DNM3: variants seen among roughly 807,000 people sequenced by gnomAD.
The protein encoded by DNM3 is dynamin 3.
A neutral mutation model predicts 101.6 loss-of-function variants in DNM3; 47 were observed. That is an observed-to-expected ratio of 0.46 (90% CI 0.37 to 0.59). DNM3 has a LOEUF of 0.59. DNM3 is among the 20% of genes least tolerant of loss of function. The pLI is 0.00. For missense variants in DNM3, 849 were observed against 1,085.7 expected, an observed-to-expected ratio of 0.78 and a Z score of 3.06; for synonymous variants, 385 against 387.9, an observed-to-expected ratio of 0.99 and a Z score of 0.09.
chr1:172,324,753 G>C (rs1186923008), intron 17 of DNM3, among the ~76,000 whole-genome samples: 1 of 152,136 alleles, frequency 6.6e-6, no homozygotes, highest in Non-Finnish European at 1.5e-5. Context: ...TAGTACGTAT[G>C]TCGAATCCTG....
At chr1:172,277,314 T>C (rs2063328106) in intron 15 of DNM3, among the ~76,000 whole-genome samples, 1 of 152,072 alleles carries the variant, frequency 6.6e-6, no homozygotes, top group Non-Finnish European at 1.5e-5. Flanking sequence ...CTCACTTGGG[T>C]AGTGAAAAGA....
rs140646806 is a variant in DNM3, at chr1:172,135,544, T to C, written c.1659+4256T>C. 4.2e-4 allele frequency among the ~76,000 whole-genome samples: 64 copies of C among 152,272 alleles called. No homozygotes were observed. In the East Asian group the frequency reaches 0.012, roughly 28 times the overall value. ...TTGTTTGTTTTTTATCCTCTGACTA[T>C]ATATATGTGACTTCCTGGATTGAAA... On this transcript the variant is annotated intron_variant, in intron 14 of 20. Coordinates refer to ENST00000627582, the MANE Select transcript of DNM3 (RefSeq NM_015569.5).
chr1:172,159,978 T>C (rs575123636), intron 14 of DNM3, among the ~76,000 whole-genome samples: 6 of 151,722 alleles, frequency 4.0e-5, no homozygotes, highest in African/African-American at 1.5e-4. Flanking sequence ...TACTGAATAC[T>C]GTAGGCAGTT....
chr1:171,965,581 T>C (rs974014198), intron 2 of DNM3, among the ~76,000 whole-genome samples: 5 of 148,102 alleles, frequency 3.4e-5, no homozygotes, highest in African/African-American at 1.2e-4. Context: ...TTGCGGGGGA[T>C]GGATATTATA....
At chr1:172,305,610 T>C (rs958422970) in intron 15 of DNM3, among the ~76,000 whole-genome samples, 2 of 152,214 alleles carry the variant, frequency 1.3e-5, no homozygotes, top group Non-Finnish European at 2.9e-5. Flanking sequence ...ATATCCGTGA[T>C]GAACATCGAT....
intron 1 of DNM3, among the ~76,000 whole-genome samples, chr1:171,891,695 T>C (rs1404605336): frequency 6.6e-6 from 1 of 152,240 alleles, no homozygotes; most frequent in Non-Finnish European, 1.5e-5. Context: ...GAGATTTCTC[T>C]GATGTTTTTC....
At chr1:172,077,473 C>T (rs981661882) in intron 11 of DNM3, among the ~76,000 whole-genome samples, 1 of 152,174 alleles carries the variant, frequency 6.6e-6, no homozygotes, top group Non-Finnish European at 1.5e-5. Context: ...TCCCTGTAAA[C>T]ACTGCTTTAA....
At position 172,247,659 on chromosome 1, in the gene DNM3, A is replaced by T. The variant is rs867773023; in HGVS notation, c.1660-5914A>T. Among the ~76,000 whole-genome samples the T allele has an allele frequency of 2.4e-4, 28 of 118,012 alleles. No homozygotes were observed. In the Admixed American group the frequency reaches 2.6e-3, roughly 11 times the overall value. The allele number at this position is 118,012 out of a possible 152,430, so 77.4% of individuals were successfully genotyped here. On this transcript the variant is annotated intron_variant, in intron 14 of 20. Transcript: ENST00000627582. ...CTTTATTACTCTATTATTATTTCTT[A>T]TTTATTTATTTATTTATTTATTTAT...
Position 172,411,926 on chromosome 1 carries a change from G to A in DNM3, c.*4085G>A, listed in dbSNP as rs2071230846. 4.1e-6 allele frequency: 4 copies of A among 985,642 alleles called. No homozygotes were observed. In the South Asian group the frequency reaches 1.4e-4, roughly 35 times the overall value. The allele number at this position is 985,642 out of a possible 1,614,324, so 61.1% of individuals were successfully genotyped here. A position where few individuals can be genotyped will look rare whatever the true frequency, so the allele number is the denominator to read the frequency against. On this transcript the variant is annotated 3_prime_UTR_variant, in exon 21 of 21. Coordinates refer to ENST00000627582, the MANE Select transcript of DNM3 (RefSeq NM_015569.5). ...TGTACATTCTAAAAAGCTCAAATGA[G>A]TCTTCTAGATACTCTTACTCATCCT...
chr1:171,851,962 A>T (rs1449713542), intron 1 of DNM3, among the ~76,000 whole-genome samples: 1 of 152,216 alleles, frequency 6.6e-6, no homozygotes, highest in East Asian at 1.9e-4. Context: ...TAAATCTAAT[A>T]TTACTTCTAG....
At chr1:172,160,849 A>G (rs1201961055) in intron 14 of DNM3, among the ~76,000 whole-genome samples, 1 of 152,048 alleles carries the variant, frequency 6.6e-6, no homozygotes, top group Non-Finnish European at 1.5e-5. Context: ...TTACACCAGC[A>G]TCAGTATAAA....
chr1:171,962,869 C>T (rs1041165513), intron 2 of DNM3, among the ~76,000 whole-genome samples: 2 of 152,116 alleles, frequency 1.3e-5, no homozygotes, highest in Non-Finnish European at 2.9e-5. Context: ...TGGTGAAAAC[C>T]TAAAAACTAA....
chr1:172,289,570 T>G, intron 15 of DNM3: 1 of 952,092 alleles, frequency 1.1e-6, no homozygotes, highest in Non-Finnish European at 1.3e-6. Context: ...TTCTCCACAT[T>G]AATTCTTGAC....
intron 14 of DNM3, among the ~76,000 whole-genome samples, chr1:172,197,819 T>C (rs2060008996): frequency 6.6e-6 from 1 of 152,140 alleles, no homozygotes; most frequent in South Asian, 2.1e-4. Context: ...GCTGAGACTC[T>C]GTGGTTTTCT....
At chr1:172,117,866 G>T (rs189732258) in intron 13 of DNM3, among the ~76,000 whole-genome samples, 3 of 152,344 alleles carry the variant, frequency 2.0e-5, no homozygotes, top group Non-Finnish European at 2.9e-5. Context: ...AAGTTGTGAA[G>T]TGTGTTCTCT....
intron 15 of DNM3, among the ~76,000 whole-genome samples, chr1:172,303,688 A>G (rs527801446): frequency 6.0e-4 from 91 of 152,348 alleles, no homozygotes; most frequent in Non-Finnish European, 1.2e-3. Flanking sequence ...CTCTCAGCAG[A>G]AACCCTACAA....
intron 15 of DNM3, among the ~76,000 whole-genome samples, chr1:172,257,055 G>A (rs542406397): frequency 2.0e-5 from 3 of 152,066 alleles, no homozygotes; most frequent in East Asian, 3.9e-4. Flanking sequence ...TCACATATAC[G>A]TGAGAAGAAT....
intron 10 of DNM3, among the ~76,000 whole-genome samples, chr1:172,050,252 TA>T (rs941451115): frequency 6.6e-6 from 1 of 152,144 alleles, no homozygotes; most frequent in Non-Finnish European, 1.5e-5. Context: ...TTGATCTCTC[TA>T]CTGACTTTCA....
intron 4 of DNM3, among the ~76,000 whole-genome samples, chr1:172,025,261 C>T (rs2048120486): frequency 6.6e-6 from 1 of 152,250 alleles, no homozygotes; most frequent in African/African-American, 2.4e-5. Flanking sequence ...GATTCCTCCT[C>T]TCTGGGCAGG....
Sources: gnomAD v4.1 joint callset for allele counts (sites outside exome capture counted in the v4.1 genomes callset) on GRCh38, gnomAD v4.1.1 for gene constraint, MANE v1.5 for transcripts, NCBI Gene and HGNC (gene_info 2026-07-23, HGNC 2026-07-21) for gene names.